CXCR2: variants seen among roughly 807,000 people sequenced by gnomAD.
CXCR2 encodes C-X-C motif chemokine receptor 2.
CXCR2 carries 2 observed loss-of-function variants against 3.7 expected under a neutral mutation model. The observed-to-expected ratio is 0.55, with a 90% CI of 0.22 to 1.72. CXCR2 has a LOEUF of 1.72. Among genes scored for constraint, CXCR2 ranks in the 40% most tolerant of loss-of-function variants. The probability of loss-of-function intolerance (pLI) is 0.19; values close to 1 mark genes in which losing one functional copy is unlikely to be tolerated. For missense variants in CXCR2, 351 were observed against 450.1 expected, an observed-to-expected ratio of 0.78 and a Z score of 1.99; for synonymous variants, 203 against 193.3, an observed-to-expected ratio of 1.05 and a Z score of -0.41.
Position 218,135,909 on chromosome 2 carries a change from G to T in CXCR2, c.*25G>T, listed in dbSNP as rs200375313. 1.9e-6 allele frequency: 3 copies of T among 1,575,708 alleles called. No individual in the cohort carries two copies. The highest frequency in any genetic ancestry group is 1.7e-6 in the Non-Finnish European group (2 of 1,160,060). On this transcript the variant is annotated 3_prime_UTR_variant, in exon 3 of 3. Transcript: ENST00000318507. The surrounding 1 kb of genome is among the most constrained non-coding windows in gnomAD (Gnocchi z 4.0). Reference sequence around the variant, plus strand: ...AGACCTCCTGCCTAAGTGCAGCCCCGTGGGGTTCCTCCCTTCTCTTCACAG... The same window carrying T: ...AGACCTCCTGCCTAAGTGCAGCCCCTTGGGGTTCCTCCCTTCTCTTCACAG...
At position 218,136,004 on chromosome 2, in the gene CXCR2, C is replaced by T. The variant is rs1401690159; in HGVS notation, c.*120C>T. ...GTCAATGCAGCCCCCATTGTGGTCA[C>T]AGGAAGTAGAGGAGGCCACGTTCTT... On this transcript the variant is annotated 3_prime_UTR_variant, in exon 3 of 3. Transcript: ENST00000318507. The T allele has an allele frequency of 4.4e-6, 6 of 1,367,124 alleles. No individual in the cohort carries two copies. The South Asian group carries it at 7.2e-5, about 16-fold the overall frequency. The allele number at this position is 1,367,124 out of a possible 1,614,324, so 84.7% of individuals were successfully genotyped here. A position where few individuals can be genotyped will look rare whatever the true frequency, so the allele number is the denominator to read the frequency against.
At position 218,135,590 on chromosome 2, in the gene CXCR2, C is replaced by G; in HGVS notation, c.789C>G (p.Cys263Trp). Residue 263 changes from cysteine (C) to tryptophan (W), a missense_variant, in exon 3 of 3, where the codon TGC (cysteine) becomes TGG (tryptophan). Cys to Trp is a radical substitution (Grantham distance 215). Transcript: ENST00000318507. The surrounding 1 kb of genome is among the most constrained non-coding windows in gnomAD (Gnocchi z 4.0). ...CTGTCGTCCTCATCTTCCTGCTCTG[C>G]TGGCTGCCCTACAACCTGGTCCTGC... The part of the protein sequence containing the change: ...IFAVVLIFLL[C>W]WLPYNLVLLA... 1 of 1,614,152 alleles carries G rather than the reference C, an allele frequency of 6.2e-7. No homozygotes were observed. The highest frequency in any genetic ancestry group is 8.5e-7 in the Non-Finnish European group (1 of 1,180,024).
intron 2 of CXCR2, 116 bp from the exon 3 acceptor site, chr2:218,134,661 A>G: frequency 2.0e-6 from 2 of 1,001,686 alleles, no homozygotes; most frequent in East Asian, 5.1e-5. Context: ...TTGAAGGGAA[A>G]AATTACTACA....
At position 218,134,878 on chromosome 2, in the gene CXCR2, G is replaced by T; in HGVS notation, c.77G>T (p.Ser26Ile). 1 of 1,614,118 alleles carries T rather than the reference G, an allele frequency of 6.2e-7. No homozygotes were observed. The highest frequency in any genetic ancestry group is 8.5e-7 in the Non-Finnish European group (1 of 1,180,026). The part of the protein sequence containing the change: ...KGEDLSNYSY[S>I]STLPPFLLDA... ...GAAGATCTTAGTAATTACAGTTACAGCTCTACCCTGCCCCCTTTTCTACTA... is the reference window on the plus strand; with the variant it reads ...GAAGATCTTAGTAATTACAGTTACATCTCTACCCTGCCCCCTTTTCTACTA... Residue 26 changes from serine to isoleucine, a missense_variant, in exon 3 of 3, where the codon AGC becomes ATC. Ser to Ile is a moderately radical substitution (Grantham distance 142, BLOSUM62 -2). Coordinates refer to ENST00000318507, the MANE Select transcript of CXCR2 (RefSeq NM_001557.4).
Position 218,135,778 on chromosome 2 carries a change from T to C in CXCR2, c.977T>C (p.Leu326Pro). ...GGCCAGAAGTTTCGCCATGGACTCC[T>C]CAAGATTCTAGCTATACATGGCTTG... ...FIGQKFRHGL[L>P]KILAIHGLIS... is the part of the protein sequence containing the mutation. The change falls in exon 3 of 3, where the codon CTC becomes CCC. Residue 326 changes from leucine to proline, a missense_variant. Leu to Pro is a moderately conservative substitution (Grantham distance 98, BLOSUM62 -3). Coordinates refer to ENST00000318507, the MANE Select transcript of CXCR2 (RefSeq NM_001557.4). The surrounding 1 kb of genome is among the most constrained non-coding windows in gnomAD (Gnocchi z 4.0). 1 of 1,614,044 alleles carries C rather than the reference T, an allele frequency of 6.2e-7. No individual in the cohort carries two copies. Among genetic ancestry groups the C allele is most frequent in the Non-Finnish European group, 8.5e-7 (1 of 1,180,024 alleles).
At chr2:218,127,829 T>C (rs1241572121) in intron 1 of CXCR2, among the ~76,000 whole-genome samples, 1 of 152,204 alleles carries the variant, frequency 6.6e-6, no homozygotes, top group Non-Finnish European at 1.5e-5. Context: ...GCCCAGAAGC[T>C]AGAACCTGGT....
chr2:218,130,300 A>T (rs914341008), intron 2 of CXCR2, among the ~76,000 whole-genome samples: 1 of 152,088 alleles, frequency 6.6e-6, no homozygotes, highest in Non-Finnish European at 1.5e-5. Flanking sequence ...GGCGCCTGTA[A>T]TCTCAGCTAC....
chr2:218,136,067 G>A lies in CXCR2; in HGVS notation c.*183G>A, dbSNP rs1234034971. 8 of 747,624 alleles carry A rather than the reference G, an allele frequency of 1.1e-5. No individual in the cohort carries two copies. Among genetic ancestry groups the A allele is most frequent in the Non-Finnish European group, 1.7e-5 (8 of 461,348 alleles). The allele number at this position is 747,624 out of a possible 1,614,324, so 46.3% of individuals were successfully genotyped here. ...TGCATGGTTTAGAAAGCTTGCCCTG[G>A]TGCCTCACCCCTTGCCATAATTACT... On this transcript the variant is annotated 3_prime_UTR_variant, in exon 3 of 3. Transcript: ENST00000318507.
chr2:218,131,405 A>C (rs889808535), intron 2 of CXCR2, among the ~76,000 whole-genome samples: 1 of 152,120 alleles, frequency 6.6e-6, no homozygotes, highest in Non-Finnish European at 1.5e-5. Flanking sequence ...CCTTCTGGCC[A>C]GGCAGGGCCA....
At chr2:218,130,998 C>G (rs1690631975) in intron 2 of CXCR2, 1 of 152,276 alleles carries the variant, frequency 6.6e-6, no homozygotes, top group Non-Finnish European at 1.5e-5. Flanking sequence ...ACTGGATTAT[C>G]CACAGTGAGG....
chr2:218,128,982 T>A (rs1337779773), intron 1 of CXCR2, among the ~76,000 whole-genome samples: 1 of 152,180 alleles, frequency 6.6e-6, no homozygotes, highest in Non-Finnish European at 1.5e-5. Context: ...GCCAGGAGAC[T>A]CAGACAAGGC....
At position 218,134,954 on chromosome 2, in the gene CXCR2, G is replaced by T; in HGVS notation, c.153G>T (p.Val51=). The change falls in exon 3 of 3, where the codon GTG becomes GTT. Residue 51 remains valine (V), a synonymous_variant. Coordinates refer to ENST00000318507, the MANE Select transcript of CXCR2 (RefSeq NM_001557.4). ...PESLEINKYF[V]VIIYALVFLL... is the part of the protein sequence containing the mutation. The stretch of plus-strand genomic sequence containing the variant: ...CCCTGGAAATCAACAAGTATTTTGT[G>T]GTCATTATCTATGCCCTGGTATTCC... 6.2e-7 allele frequency: 1 copy of T among 1,614,092 alleles called. No homozygotes were observed. Among genetic ancestry groups the T allele is most frequent in the Non-Finnish European group, 8.5e-7 (1 of 1,180,008 alleles).
rs1690817684 is a variant in CXCR2, at chr2:218,136,685, A to G, written c.*801A>G. On this transcript the variant is annotated 3_prime_UTR_variant, in exon 3 of 3. Coordinates refer to ENST00000318507, the MANE Select transcript of CXCR2 (RefSeq NM_001557.4). The stretch of plus-strand genomic sequence containing the variant: ...GACCCAAAAGGCAGAAGCAACCCAA[A>G]TGTTCATCAATGAATGAATGAATGG... 6.0e-6 allele frequency: 1 copy of G among 167,058 alleles called. No individual in the cohort carries two copies. The highest frequency in any genetic ancestry group is 6.5e-5 in the Admixed American group (1 of 15,290). 10.3% of individuals were successfully genotyped at this position (167,058 alleles called of 1,614,324 possible).
chr2:218,134,680 C>G, intron 2 of CXCR2, 97 bp from the exon 3 acceptor site: 1 of 1,168,502 alleles, frequency 8.6e-7, no homozygotes, highest in East Asian at 2.4e-5. Context: ...CATTGTAATA[C>G]TCAAGCCAAC....
intron 2 of CXCR2, among the ~76,000 whole-genome samples, chr2:218,131,957 G>T (rs1325495030): frequency 6.6e-6 from 1 of 151,876 alleles, no homozygotes. Flanking sequence ...TTCCAGTTTT[G>T]CTTAATCTTC....
At position 218,135,901 on chromosome 2, in the gene CXCR2, G is replaced by T; in HGVS notation, c.*17G>T. ...ACTCTCTAAGACCTCCTGCCTAAGTGCAGCCCCGTGGGGTTCCTCCCTTCT... is the reference window on the plus strand; with the variant it reads ...ACTCTCTAAGACCTCCTGCCTAAGTTCAGCCCCGTGGGGTTCCTCCCTTCT... On this transcript the variant is annotated 3_prime_UTR_variant, in exon 3 of 3. Transcript: ENST00000318507. This position sits in a 1 kb window ranked among gnomAD's most constrained non-coding sequence, Gnocchi z 4.0. 1.3e-6 allele frequency: 2 copies of T among 1,587,878 alleles called. No homozygotes were observed. The highest frequency in any genetic ancestry group is 1.3e-5 in the African/African-American group (1 of 74,396).
At chr2:218,134,645 A>C in intron 2 of CXCR2, 132 bp from the exon 3 acceptor site, 1 of 815,194 alleles carries the variant, frequency 1.2e-6, no homozygotes, top group Non-Finnish European at 1.9e-6. Context: ...GCTACCACTT[A>C]CAAATTTGAA....
rs1690811541 is a variant in CXCR2, at chr2:218,136,449, A to G, written c.*565A>G. On this transcript the variant is annotated 3_prime_UTR_variant, in exon 3 of 3. Transcript: ENST00000318507. ...TCTGTCTCAGTCCATGAAGATGTAGAGGAGAAACTGGAACTCTCGAGCGTT... is the reference window on the plus strand; with the variant it reads ...TCTGTCTCAGTCCATGAAGATGTAGGGGAGAAACTGGAACTCTCGAGCGTT... 6.0e-6 allele frequency: 1 copy of G among 167,748 alleles called. No homozygotes were observed. Among genetic ancestry groups the G allele is most frequent in the African/African-American group, 2.4e-5 (1 of 41,416 alleles). 10.4% of individuals were successfully genotyped at this position (167,748 alleles called of 1,614,324 possible). A position where few individuals can be genotyped will look rare whatever the true frequency, so the allele number is the denominator to read the frequency against.
Position 218,126,134 on chromosome 2 carries a change from C to A in CXCR2, c.-297C>A, listed in dbSNP as rs1690502240. The stretch of plus-strand genomic sequence containing the variant: ...ATCCCCAGCACTCATCCCAGAATCA[C>A]TAAGTGGCACCTGTCCTGGGCCAAA... On this transcript the variant is annotated 5_prime_UTR_variant, in exon 1 of 3. Transcript: ENST00000318507. The A allele has an allele frequency of 6.6e-6, 1 of 152,384 alleles. No homozygotes were observed. The highest frequency in any genetic ancestry group is 1.9e-4 in the East Asian group (1 of 5,330). 9.4% of individuals were successfully genotyped at this position (152,384 alleles called of 1,614,324 possible). A position where few individuals can be genotyped will look rare whatever the true frequency, so the allele number is the denominator to read the frequency against.
Sources: allele counts gnomAD v4.1 joint callset (sites outside exome capture counted in the v4.1 genomes callset), GRCh38; gene constraint gnomAD v4.1.1; non-coding constraint Gnocchi (gnomAD v3.1); transcripts MANE v1.5; gene names NCBI Gene and HGNC (gene_info 2026-07-23, HGNC 2026-07-21).